SPAG17: variants seen among roughly 807,000 people sequenced by gnomAD.
SPAG17 encodes the protein sperm-associated antigen 17.
SPAG17 carries 169 observed loss-of-function variants against 273.6 expected under a neutral mutation model. The ratio of observed to expected loss-of-function variants is 0.62; its 90% CI spans 0.55 to 0.70. SPAG17 has a LOEUF of 0.70. SPAG17 is among the 30% of genes least tolerant of loss of function. The pLI, the probability that SPAG17 is intolerant of heterozygous loss-of-function variation, is 0.00. For synonymous variants in SPAG17, 825 were observed against 873.2 expected (o/e 0.94, Z 0.97); for missense variants, 2,557 against 2,627.8 (o/e 0.97, Z 0.59).
intron 3 of SPAG17, among the ~76,000 whole-genome samples, chr1:118,130,218 G>C (rs1369264596): frequency 1.3e-5 from 2 of 152,098 alleles, no homozygotes; most frequent in Admixed American, 6.5e-5. Flanking sequence ...ATGCTGCATA[G>C]TTTCCCATAG....
intron 28 of SPAG17, among the ~76,000 whole-genome samples, chr1:118,017,105 G>A (rs915730044): frequency 2.6e-5 from 4 of 152,118 alleles, no homozygotes; most frequent in African/African-American, 9.7e-5. Context: ...AGAACCAAAG[G>A]CAGATAAATC....
At position 118,048,596 on chromosome 1, in the gene SPAG17, C is replaced by G. The variant is rs975310494; in HGVS notation, c.2814+5406G>C. Among the ~76,000 whole-genome samples the G allele has an allele frequency of 2.6e-5, 4 of 152,110 alleles. 1 individual carries two copies. The East Asian group carries it at 5.8e-4, about 22-fold the overall frequency. On this transcript the variant is annotated intron_variant, in intron 20 of 48. Coordinates refer to ENST00000336338, the MANE Select transcript of SPAG17 (RefSeq NM_206996.4). ...AAAGGAGGAGACATTACAAATGGTA[C>G]CAAAGAAATACAAAGGATCAGCCGG... is the stretch of plus-strand genomic sequence containing the variant.
chr1:118,085,313 G>A (rs1000980558), intron 13 of SPAG17, among the ~76,000 whole-genome samples: 1 of 152,172 alleles, frequency 6.6e-6, no homozygotes, highest in African/African-American at 2.4e-5. Flanking sequence ...GCAACAAGAG[G>A]ATATAAGATG....
In SPAG17 at chr1:118,025,462, G is replaced by A. The variant is rs367806819; in HGVS notation, c.3731-46C>T. On this transcript the variant is annotated intron_variant, in intron 26 of 48. Transcript: ENST00000336338. ...TCTTGTGAACTGGACAATGCTGCAGGGCTGGATTTTATCATCTTGCTTAAT... is the reference window on the plus strand; with the variant it reads ...TCTTGTGAACTGGACAATGCTGCAGAGCTGGATTTTATCATCTTGCTTAAT... The A allele has an allele frequency of 3.1e-6, 4 of 1,284,260 alleles. No homozygotes were observed. In the African/African-American group the frequency reaches 4.6e-5, roughly 15 times the overall value. 79.6% of individuals were successfully genotyped at this position (1,284,260 alleles called of 1,614,324 possible).
At chr1:118,058,733 T>C (rs1651967237) in intron 18 of SPAG17, among the ~76,000 whole-genome samples, 1 of 152,166 alleles carries the variant, frequency 6.6e-6, no homozygotes, top group African/African-American at 2.4e-5. Flanking sequence ...CCTAGTGAAA[T>C]ACAATACCTA....
intron 6 of SPAG17, among the ~76,000 whole-genome samples, chr1:118,098,500 T>A (rs1397336925): frequency 1.3e-5 from 2 of 151,732 alleles, no homozygotes; most frequent in Non-Finnish European, 2.9e-5. Flanking sequence ...TATTTTTTAA[T>A]ATTTTATTTT....
intron 3 of SPAG17, among the ~76,000 whole-genome samples, chr1:118,132,278 A>T (rs72697601): frequency 0.068 from 10,362 of 152,108 alleles, 474 homozygotes; most frequent in Non-Finnish European, 0.091. Context: ...GCAGTGACCC[A>T]GGAAGAAGGA....
At chr1:118,176,648 C>A (rs890676921) in intron 1 of SPAG17, among the ~76,000 whole-genome samples, 7 of 152,144 alleles carry the variant, frequency 4.6e-5, no homozygotes, top group South Asian at 2.1e-4. Context: ...ATAATCCAGA[C>A]CAAAAAATCA....
chr1:118,031,612 AT>A (rs1220986475), intron 25 of SPAG17, 79 bp downstream of exon 25: 2 of 1,405,752 alleles, frequency 1.4e-6, no homozygotes, highest in African/African-American at 2.9e-5. Context: ...TAATAACACT[AT>A]TGACATAAGT....
chr1:117,987,958 A>G, intron 39 of SPAG17, 77 bp from the exon 40 acceptor site: 1 of 1,534,588 alleles, frequency 6.5e-7, no homozygotes, highest in Non-Finnish European at 9.0e-7. Flanking sequence ...AACCCTCACC[A>G]CTATATGATG....
At chr1:118,019,458 T>G (rs1264782269) in intron 28 of SPAG17, among the ~76,000 whole-genome samples, 1 of 151,292 alleles carries the variant, frequency 6.6e-6, no homozygotes, top group African/African-American at 2.4e-5. Flanking sequence ...AACCAAAGCA[T>G]AGAAGTAAAA....
In SPAG17 at chr1:117,981,258, A is replaced by C. The variant is rs780108777; in HGVS notation, c.6004+12T>G. 6.5e-7 allele frequency: 1 copy of C among 1,550,292 alleles called. No individual in the cohort carries two copies. Among genetic ancestry groups the C allele is most frequent in the Admixed American group, 2.4e-5 (1 of 41,616 alleles). On this transcript the variant is annotated intron_variant, in intron 43 of 48. Coordinates refer to ENST00000336338, the MANE Select transcript of SPAG17 (RefSeq NM_206996.4). ...GTTTCAAGAAGCAATAAGATAAAAA[A>C]GACTGCCATACCTTCAGGAGATTTT...
intron 3 of SPAG17, among the ~76,000 whole-genome samples, chr1:118,138,485 A>G (rs1026297416): frequency 6.6e-6 from 1 of 152,152 alleles, no homozygotes; most frequent in African/African-American, 2.4e-5. Flanking sequence ...AAAAATGTTG[A>G]CCTATATTTA....
intron 18 of SPAG17, among the ~76,000 whole-genome samples, chr1:118,062,800 T>C (rs946252883): frequency 4.6e-5 from 7 of 152,182 alleles, no homozygotes; most frequent in Non-Finnish European, 1.0e-4. Flanking sequence ...GAACATTCCT[T>C]CCTGTCATAC....
intron 1 of SPAG17, among the ~76,000 whole-genome samples, chr1:118,165,002 C>A (rs1340979842): frequency 6.6e-6 from 1 of 152,202 alleles, no homozygotes; most frequent in Non-Finnish European, 1.5e-5. Flanking sequence ...GAATGCCCTC[C>A]TTCCAGGTCA....
chr1:118,074,395 G>C, intron 16 of SPAG17, 144 bp downstream of exon 16: 1 of 737,532 alleles, frequency 1.4e-6, no homozygotes, highest in Middle Eastern at 3.4e-4. Flanking sequence ...GCTGCTCTGG[G>C]GATGTCCGAA....
At chr1:117,961,504 T>A (rs896668161) in intron 48 of SPAG17, 1 of 152,210 alleles carries the variant, frequency 6.6e-6, no homozygotes, top group African/African-American at 2.4e-5. Context: ...ATGTTCTGTA[T>A]CTTCTTGAGA....
chr1:117,959,978 G>T (rs1253326260), intron 48 of SPAG17: 1 of 152,176 alleles, frequency 6.6e-6, no homozygotes, highest in Non-Finnish European at 1.5e-5. Flanking sequence ...TTAACCTTCT[G>T]CAAGTTATGT....
chr1:118,034,280 T>C (rs1259016250), intron 24 of SPAG17, among the ~76,000 whole-genome samples: 2 of 152,222 alleles, frequency 1.3e-5, no homozygotes, highest in Non-Finnish European at 2.9e-5. Context: ...CAGTCTGTGA[T>C]AGAGGAAATA....
Sources: allele counts gnomAD v4.1 joint callset (sites outside exome capture counted in the v4.1 genomes callset), GRCh38; gene constraint gnomAD v4.1.1; transcripts MANE v1.5; gene names NCBI Gene and HGNC (gene_info 2026-07-23, HGNC 2026-07-21).